Variants in CFAP92 observed in about 807,000 individuals in gnomAD.
CFAP92 encodes the protein uncharacterized protein CFAP92.
Under a neutral mutation model 106.3 loss-of-function variants are expected in CFAP92, and 86 were observed. That is an observed-to-expected ratio of 0.81 (90% CI 0.68 to 0.97). The LOEUF is 0.97. CFAP92 is among the 50% of genes least tolerant of loss of function. The pLI is 0.00. For missense variants in CFAP92, 1,204 were observed against 1,283.8 expected, an observed-to-expected ratio of 0.94 and a Z score of 0.95; for synonymous variants, 477 against 506.4, an observed-to-expected ratio of 0.94 and a Z score of 0.78.
chr3:129,013,164 G>GTGGGTGGGC, the CFAP92 span, among the ~76,000 whole-genome samples: 103 of 152,282 alleles, frequency 6.8e-4, no homozygotes, highest in Middle Eastern at 0.01. Context: ...AGCTCTGGAG[G>GTGGGTGGGC]ACACAAGGGG....
chr3:128,930,898 CTTTTTTTGTTTGTTTGTT>C (rs374605807), intron 12 of CFAP92, among the ~76,000 whole-genome samples: 3 of 151,952 alleles, frequency 2.0e-5, no homozygotes, highest in African/African-American at 7.3e-5. Context: ...CATTGTTTGA[CTTTTTTTGTTTGTTTGTT>C]TTTTTGAGAC....
Position 128,932,652 on chromosome 3 carries a change from G to A in CFAP92, c.2751+48C>T, listed in dbSNP as rs530080651. ...ATGCCTCTCAGCAGGCGCCTGGACCGCCCAGGTGAGGCCTGGGAACCCCAA... is the reference window on the plus strand; with the variant it reads ...ATGCCTCTCAGCAGGCGCCTGGACCACCCAGGTGAGGCCTGGGAACCCCAA... On this transcript the variant is annotated intron_variant, in intron 12 of 15. Coordinates refer to ENST00000645291, the MANE Select transcript of CFAP92 (RefSeq NM_001394090.1). 2.1e-4 allele frequency: 308 copies of A among 1,492,560 alleles called. 4 individuals carry two copies. In the South Asian group the frequency reaches 3.2e-3, roughly 15 times the overall value. The allele number at this position is 1,492,560 out of a possible 1,614,324, so 92.5% of individuals were successfully genotyped here. A position where few individuals can be genotyped will look rare whatever the true frequency, so the allele number is the denominator to read the frequency against.
At chr3:129,016,717 C>G in the CFAP92 span, among the ~76,000 whole-genome samples, 1 of 152,088 alleles carries the variant, frequency 6.6e-6, no homozygotes. Context: ...AACCCTGACT[C>G]GTACAGGGCC....
rs1242180530 is a variant in CFAP92 at position 128,945,319 on chromosome 3, G to T, written c.2010C>A (p.Val670=). 6.5e-7 allele frequency: 1 copy of T among 1,536,128 alleles called. No homozygotes were observed. The change falls in exon 10 of 16, where the codon GTC becomes GTA. Residue 670 remains valine, a synonymous_variant. Coordinates refer to ENST00000645291, the MANE Select transcript of CFAP92 (RefSeq NM_001394090.1). ...CCTGCAGCAGGCTGTGGAGCAGGGA[G>T]ACCTTCTTAAAGTCAAAGACGAAGA... is the stretch of plus-strand genomic sequence containing the variant. The part of the protein sequence containing the change: ...RIIFVFDFKK[V]SLLHSLLQDI...
chr3:128,965,800 A>T (rs1942320696), intron 8 of CFAP92, 105 bp from the exon 9 acceptor site: 1 of 396,504 alleles, frequency 2.5e-6, no homozygotes, highest in Non-Finnish European at 4.4e-6. Context: ...ATCACAACCC[A>T]AAAGTGAAAA....
chr3:128,922,064 G>T (rs1413282382), intron 12 of CFAP92, among the ~76,000 whole-genome samples: 3 of 152,184 alleles, frequency 2.0e-5, no homozygotes, highest in Non-Finnish European at 4.4e-5. Context: ...AGTTTGCTGG[G>T]CGCGGTGGCT....
At chr3:128,919,926 C>G (rs12330461) in intron 12 of CFAP92, among the ~76,000 whole-genome samples, 4,545 of 152,288 alleles carry the variant, frequency 0.03, 218 homozygotes, top group African/African-American at 0.1. Context: ...TATCTGTCCT[C>G]TGTCTCCTGC....
chr3:128,975,033 T>C (rs967104163), intron 7 of CFAP92, among the ~76,000 whole-genome samples: 8 of 151,826 alleles, frequency 5.3e-5, no homozygotes, highest in Non-Finnish European at 1.0e-4. Context: ...GGCAGAAGAA[T>C]GGCGTGAACC....
chr3:128,924,741 C>T (rs777072365), intron 12 of CFAP92, among the ~76,000 whole-genome samples: 1 of 152,160 alleles, frequency 6.6e-6, no homozygotes, highest in Non-Finnish European at 1.5e-5. Flanking sequence ...GCCACCACGC[C>T]CGACCGATTG....
At chr3:128,918,894 A>C (rs1937037041) in intron 12 of CFAP92, among the ~76,000 whole-genome samples, 1 of 151,952 alleles carries the variant, frequency 6.6e-6, no homozygotes, top group South Asian at 2.1e-4. Context: ...TGCCTAACCT[A>C]ACAGTAATTA....
At chr3:128,981,520 A>G (rs1470126194) in intron 4 of CFAP92, among the ~76,000 whole-genome samples, 1 of 151,760 alleles carries the variant, frequency 6.6e-6, no homozygotes, top group Admixed American at 6.6e-5. Flanking sequence ...TAGTGGAGAT[A>G]GGGTTTCACT....
rs183951009 is a variant in CFAP92 at position 128,960,876 on chromosome 3, T to C, written c.1353+4635A>G. 4.5e-3 allele frequency among the ~76,000 whole-genome samples: 680 copies of C among 151,770 alleles called. 5 individuals carry two copies. The highest frequency in any genetic ancestry group is 0.016 in the African/African-American group (659 of 41,334). Reference sequence around the variant, plus strand: ...GGGGCAAGTACCCCTCAACCCCTTCTCCTTCACCCTTAGCGGCAAGTCCCG... The same window carrying C: ...GGGGCAAGTACCCCTCAACCCCTTCCCCTTCACCCTTAGCGGCAAGTCCCG... On this transcript the variant is annotated intron_variant, in intron 9 of 15. Coordinates refer to ENST00000645291, the MANE Select transcript of CFAP92 (RefSeq NM_001394090.1).
chr3:128,935,399 A>G, intron 10 of CFAP92, 80 bp from the exon 11 acceptor site: 1 of 956,652 alleles, frequency 1.0e-6, no homozygotes, highest in Non-Finnish European at 1.5e-6. Context: ...TGTCAGGTAC[A>G]GCTTTTATGT....
intron 12 of CFAP92, among the ~76,000 whole-genome samples, chr3:128,928,838 TAAGAA>T (rs1205373403): frequency 1.3e-5 from 2 of 151,758 alleles, no homozygotes; most frequent in East Asian, 3.9e-4. Context: ...CTTATACCAT[TAAGAA>T]AAAAAAGAAA....
Position 128,915,529 on chromosome 3 carries a change from T to C in CFAP92, c.2951A>G (p.Tyr984Cys). 1 of 1,532,560 alleles carries C rather than the reference T, an allele frequency of 6.5e-7. No homozygotes were observed. Among genetic ancestry groups the C allele is most frequent in the Non-Finnish European group, 8.7e-7 (1 of 1,145,384 alleles). 94.9% of individuals were successfully genotyped at this position (1,532,560 alleles called of 1,614,324 possible). The change falls in exon 14 of 16, where the codon TAC (tyrosine) becomes TGC (cysteine). Residue 984 changes from tyrosine (Y) to cysteine (C), a missense_variant. Tyr to Cys is a radical substitution (Grantham distance 194). Transcript: ENST00000645291. ...CAGGGGCTCCACCATGGCTGAGAGG[T>C]AATCCTGTGAGTACGTGAATCTCTT... ...PRKRFTYSQDYLSAMVEPLDL... is the reference protein window; with the variant it reads ...PRKRFTYSQDCLSAMVEPLDL...
At chr3:128,951,836 T>G (rs987063111) in intron 9 of CFAP92, among the ~76,000 whole-genome samples, 8 of 152,156 alleles carry the variant, frequency 5.3e-5, no homozygotes, top group African/African-American at 1.9e-4. Context: ...GACTTTAACT[T>G]GGTGCTCCTT....
intron 9 of CFAP92, among the ~76,000 whole-genome samples, chr3:128,951,612 G>A (rs950360019): frequency 6.6e-6 from 1 of 152,204 alleles, no homozygotes; most frequent in African/African-American, 2.4e-5. Flanking sequence ...GAGTGCTGGA[G>A]AAGGCAGTAT....
Position 128,971,449 on chromosome 3 carries a change from A to G in CFAP92, c.1022-16T>C. 6.3e-7 allele frequency: 1 copy of G among 1,575,902 alleles called. No homozygotes were observed. Among genetic ancestry groups the G allele is most frequent in the Non-Finnish European group, 8.6e-7 (1 of 1,158,636 alleles). ...TTCCCTTTAACTGTGAAATCAAACA[A>G]AGGAGATGAGCATTAAGAGGAGACT... On this transcript the variant is annotated splice_polypyrimidine_tract_variant and intron_variant, in intron 7 of 15. Transcript: ENST00000645291.
At chr3:128,923,103 G>C (rs1283369138) in intron 12 of CFAP92, among the ~76,000 whole-genome samples, 1 of 152,224 alleles carries the variant, frequency 6.6e-6, no homozygotes, top group East Asian at 1.9e-4. Context: ...TTTTGCTTCT[G>C]TTTCGCTAGA....
Sources: gnomAD v4.1 joint callset for allele counts (sites outside exome capture counted in the v4.1 genomes callset) on GRCh38, gnomAD v4.1.1 for gene constraint, MANE v1.5 for transcripts, NCBI Gene and HGNC (gene_info 2026-07-23, HGNC 2026-07-21) for gene names.